The following PRKN variants were observed in gnomAD, a reference collection of about 807,000 sequenced individuals.
The protein encoded by PRKN is E3 ubiquitin-protein ligase parkin.
In PRKN, 56 loss-of-function variants were observed where a neutral mutation model predicts 59.5. The observed-to-expected ratio is 0.94, with a 90% confidence interval of 0.76 to 1.18. PRKN has a LOEUF of 1.18. PRKN is among the 50% of genes most tolerant of loss of function. The pLI is 0.00. For missense variants in PRKN, 657 were observed against 596.4 expected (o/e 1.10, Z -1.06); for synonymous variants, 250 against 222.1 (o/e 1.13, Z -1.12).
chr6:161,586,026 T>A (rs541803916), intron 7 of PRKN, among the ~76,000 whole-genome samples: 33 of 152,022 alleles, frequency 2.2e-4, no homozygotes, highest in East Asian at 5.8e-4. Context: ...CTTCTTTTTT[T>A]AAAAAAAAGA....
At position 161,447,325 on chromosome 6, in the gene PRKN, A is replaced by G. The variant is rs1407136090; in HGVS notation, c.1084-60448T>C. Among the ~76,000 whole-genome samples, 3 of 152,220 alleles carry G rather than the reference A, an allele frequency of 2.0e-5. No homozygotes were observed. The highest frequency in any genetic ancestry group is 2.0e-4 in the Admixed American group (3 of 15,284). On this transcript the variant is annotated intron_variant, in intron 9 of 11. Coordinates refer to ENST00000366898, the MANE Select transcript of PRKN (RefSeq NM_004562.3). This position sits in a 1 kb window ranked among gnomAD's most constrained non-coding sequence, Gnocchi z 4.1. The stretch of plus-strand genomic sequence containing the variant: ...CCCTAAAATTCACTTCGAAACTCCT[A>G]ACAGCAGAATTCCCCAAACCTTTTC...
chr6:162,469,492 ATGTGTG>A (rs376285594), intron 1 of PRKN, among the ~76,000 whole-genome samples: 2 of 146,742 alleles, frequency 1.4e-5, no homozygotes, highest in Admixed American at 6.7e-5. Flanking sequence ...AAACTGTGGT[ATGTGTG>A]TGTGTGTGTA....
Position 161,396,276 on chromosome 6 carries a change from C to T in PRKN, c.1084-9399G>A, listed in dbSNP as rs138445916. ...CAAAGGCTAAGGTAGGACCTGGTTG[C>T]AAGCTGGAACTCTTGTTCAATGATA... is the stretch of plus-strand genomic sequence containing the variant. On this transcript the variant is annotated intron_variant, in intron 9 of 11. Transcript: ENST00000366898. The surrounding 1 kb of genome is among the most constrained non-coding windows in gnomAD (Gnocchi z 5.4). Among the ~76,000 whole-genome samples the T allele has an allele frequency of 4.1e-3, 617 of 152,274 alleles. 5 individuals are homozygous for T. The highest frequency in any genetic ancestry group is 0.014 in the African/African-American group (594 of 41,542).
At chr6:162,109,225 T>A (rs1022001030) in intron 4 of PRKN, among the ~76,000 whole-genome samples, 1 of 152,176 alleles carries the variant, frequency 6.6e-6, no homozygotes, top group Non-Finnish European at 1.5e-5. Flanking sequence ...AGTCCTCAAT[T>A]TGGTCCAGTG....
chr6:162,012,898 A>G (rs1782789131), intron 5 of PRKN, among the ~76,000 whole-genome samples: 1 of 152,070 alleles, frequency 6.6e-6, no homozygotes, highest in African/African-American at 2.4e-5. Context: ...TTCAGCTTTG[A>G]TCATTTGGTT....
intron 6 of PRKN, among the ~76,000 whole-genome samples, chr6:161,913,573 T>C (rs1327809693): frequency 6.6e-6 from 1 of 152,182 alleles, no homozygotes; most frequent in Non-Finnish European, 1.5e-5. Context: ...ATGGAGGTGA[T>C]GTGAGGCTCA....
At chr6:162,373,987 GA>G (rs1785905072) in intron 2 of PRKN, among the ~76,000 whole-genome samples, 1 of 152,174 alleles carries the variant, frequency 6.6e-6, no homozygotes, top group African/African-American at 2.4e-5. Flanking sequence ...CTGCTTTGAA[GA>G]ATTTGTCACC....
chr6:162,510,731 G>A (rs1443759609), intron 1 of PRKN, among the ~76,000 whole-genome samples: 2 of 152,096 alleles, frequency 1.3e-5, no homozygotes, highest in African/African-American at 2.4e-5. Context: ...AGACCAGCCT[G>A]TCCAACGTAG....
At chr6:162,159,176 G>C (rs1782653492) in intron 4 of PRKN, among the ~76,000 whole-genome samples, 1 of 152,038 alleles carries the variant, frequency 6.6e-6, no homozygotes, top group Non-Finnish European at 1.5e-5. Context: ...AAATTCTGCC[G>C]ATCTTCTTAT....
intron 7 of PRKN, among the ~76,000 whole-genome samples, chr6:161,630,603 A>C (rs1372904026): frequency 3.9e-5 from 6 of 152,170 alleles, no homozygotes; most frequent in Non-Finnish European, 5.9e-5. Context: ...GTTGCCATTT[A>C]CCAGAGTCAA....
intron 4 of PRKN, among the ~76,000 whole-genome samples, chr6:162,188,491 A>C (rs1784122696): frequency 6.6e-6 from 1 of 152,178 alleles, no homozygotes. Context: ...TCAGTACTGG[A>C]TCAATGTCCA....
chr6:161,885,855 A>C (rs1795129419), intron 6 of PRKN, among the ~76,000 whole-genome samples: 1 of 152,064 alleles, frequency 6.6e-6, no homozygotes, highest in African/African-American at 2.4e-5. Context: ...CATCATTCAG[A>C]CTCTATGTCC....
chr6:162,353,591 A>G (rs1235861723), intron 2 of PRKN, among the ~76,000 whole-genome samples: 1 of 152,180 alleles, frequency 6.6e-6, no homozygotes, highest in African/African-American at 2.4e-5. Context: ...AGAGACATGA[A>G]TAATACACAA....
chr6:162,469,937 T>G (rs1191821065), intron 1 of PRKN, among the ~76,000 whole-genome samples: 1 of 152,196 alleles, frequency 6.6e-6, no homozygotes, highest in African/African-American at 2.4e-5. Flanking sequence ...GGGAGCTAAC[T>G]GTCCATAAGT....
At chr6:162,159,727 A>G (rs1782676266) in intron 4 of PRKN, among the ~76,000 whole-genome samples, 1 of 152,236 alleles carries the variant, frequency 6.6e-6, no homozygotes, top group African/African-American at 2.4e-5. Context: ...ACAGTCATCA[A>G]GAAAGTGTGG....
chr6:162,373,462 T>C (rs1277578672), intron 2 of PRKN, among the ~76,000 whole-genome samples: 1 of 152,186 alleles, frequency 6.6e-6, no homozygotes, highest in Admixed American at 6.5e-5. Flanking sequence ...ACCAGAACCC[T>C]GAGTACTTTC....
chr6:162,657,400 T>G (rs2128227594), intron 1 of PRKN, among the ~76,000 whole-genome samples: 1 of 152,290 alleles, frequency 6.6e-6, no homozygotes, highest in South Asian at 2.1e-4. Context: ...ATTAACAAAC[T>G]TCCTTAAAAT....
At chr6:162,351,485 T>A (rs1784623647) in intron 2 of PRKN, among the ~76,000 whole-genome samples, 1 of 152,146 alleles carries the variant, frequency 6.6e-6, no homozygotes, top group Admixed American at 6.5e-5. Context: ...ATGTTTCTGG[T>A]CTAAATGGAA....
rs963199049 is a variant in PRKN at position 161,588,242 on chromosome 6, G to C, written c.872-18826C>G. On this transcript the variant is annotated intron_variant, in intron 7 of 11. Transcript: ENST00000366898. The surrounding 1 kb of genome is among the most constrained non-coding windows in gnomAD (Gnocchi z 5.0). Reference sequence around the variant, plus strand: ...CTACTAAAAATGCAAAAATCAGCCAGGCGTGGTGGCTCATGCCTATAATCC... The same window carrying C: ...CTACTAAAAATGCAAAAATCAGCCACGCGTGGTGGCTCATGCCTATAATCC... 3.3e-5 allele frequency among the ~76,000 whole-genome samples: 5 copies of C among 152,222 alleles called. No individual in the cohort carries two copies. In the South Asian group the frequency reaches 1.0e-3, roughly 32 times the overall value.
Sources: allele counts gnomAD v4.1 joint callset (sites outside exome capture counted in the v4.1 genomes callset), GRCh38; gene constraint gnomAD v4.1.1; non-coding constraint Gnocchi (gnomAD v3.1); transcripts MANE v1.5; gene names NCBI Gene and HGNC (gene_info 2026-07-23, HGNC 2026-07-21).